LMBR1: variants seen among roughly 807,000 people sequenced by gnomAD.
The protein encoded by LMBR1 is limb development membrane protein 1.
A neutral mutation model predicts 73.9 loss-of-function variants in LMBR1; 52 were observed. The observed-to-expected ratio is 0.70, with a 90% CI of 0.56 to 0.89. The LOEUF (loss-of-function observed/expected upper bound fraction) is 0.89, where lower values mean the gene tolerates loss of function less well. LMBR1 is among the 40% of genes least tolerant of loss of function. The probability of loss-of-function intolerance (pLI) is 0.00; values close to 1 mark genes in which losing one functional copy is unlikely to be tolerated. For missense variants in LMBR1, 539 were observed against 579.8 expected, an observed-to-expected ratio of 0.93 and a Z score of 0.72; for synonymous variants, 215 against 209.4, an observed-to-expected ratio of 1.03 and a Z score of -0.23.
intron 4 of LMBR1, chr7:156,822,412 T>A (rs999215432): frequency 6.6e-6 from 1 of 152,168 alleles, no homozygotes; most frequent in East Asian, 1.9e-4. Flanking sequence ...TTCAGACAGA[T>A]TTGAAATTCA....
At chr7:156,724,793 TG>T (rs1217479514) in intron 14 of LMBR1, among the ~76,000 whole-genome samples, 26 of 151,862 alleles carry the variant, frequency 1.7e-4, no homozygotes, top group Non-Finnish European at 4.4e-5. Context: ...TGTGTGTGTG[TG>T]TGTGTGTGTG....
chr7:156,869,565 A>C (rs1278816435), intron 1 of LMBR1, among the ~76,000 whole-genome samples: 3 of 152,204 alleles, frequency 2.0e-5, no homozygotes, highest in Non-Finnish European at 4.4e-5. Context: ...AAATCAGCAA[A>C]ACCCAAAGGT....
intron 3 of LMBR1, among the ~76,000 whole-genome samples, chr7:156,832,228 C>T (rs1327172402): frequency 6.6e-6 from 1 of 152,148 alleles, no homozygotes; most frequent in East Asian, 1.9e-4. Context: ...TAGTAAATCA[C>T]AATCCATTTA....
chr7:156,795,817 T>C (rs1418094775), intron 5 of LMBR1, among the ~76,000 whole-genome samples: 10 of 152,166 alleles, frequency 6.6e-5, no homozygotes, highest in Non-Finnish European at 1.3e-4. Context: ...CCTCCCAAAG[T>C]GGTGGATTAC....
At chr7:156,863,787 T>C (rs1798056574) in intron 1 of LMBR1, among the ~76,000 whole-genome samples, 1 of 152,190 alleles carries the variant, frequency 6.6e-6, no homozygotes, top group Non-Finnish European at 1.5e-5. Flanking sequence ...CAGTAGGCTA[T>C]ATAGAGGATT....
At chr7:156,752,413 A>C (rs929569834) in intron 9 of LMBR1, among the ~76,000 whole-genome samples, 3 of 152,158 alleles carry the variant, frequency 2.0e-5, no homozygotes, top group Non-Finnish European at 4.4e-5. Flanking sequence ...TTGGGGAAAA[A>C]CTGGATCATG....
chr7:156,709,998 G>A lies in LMBR1; in HGVS notation c.1225+14114C>T, dbSNP rs534490007. On this transcript the variant is annotated intron_variant, in intron 15 of 16. Transcript: ENST00000353442. The stretch of plus-strand genomic sequence containing the variant: ...TGGCTCACTGCAAGCTCCACCTCCC[G>A]GGTTCACGCCATTCTCCTGCCTCAA... Among the ~76,000 whole-genome samples the A allele has an allele frequency of 1.8e-4, 25 of 138,486 alleles. No homozygotes were observed. In the South Asian group the frequency reaches 4.8e-3, roughly 27 times the overall value. 90.9% of individuals were successfully genotyped at this position (138,486 alleles called of 152,430 possible).
rs181681548 is a variant in LMBR1 at position 156,840,958 on chromosome 7, C to T, written c.67-4073G>A. 5.2e-5 allele frequency among the ~76,000 whole-genome samples: 6 copies of T among 116,408 alleles called. No individual in the cohort carries two copies. The East Asian group carries it at 9.7e-4, about 19-fold the overall frequency. The allele number at this position is 116,408 out of a possible 152,430, so 76.4% of individuals were successfully genotyped here. On this transcript the variant is annotated intron_variant, in intron 1 of 16. Coordinates refer to ENST00000353442, the MANE Select transcript of LMBR1 (RefSeq NM_022458.4). ...CCAGCCTGGGCGACTGAGCAAGACTCGGTCTCAAAAAAAAAAAAAAAAAAA... is the reference window on the plus strand; with the variant it reads ...CCAGCCTGGGCGACTGAGCAAGACTTGGTCTCAAAAAAAAAAAAAAAAAAA...
intron 4 of LMBR1, among the ~76,000 whole-genome samples, chr7:156,805,643 A>T (rs1378693263): frequency 6.6e-6 from 1 of 152,226 alleles, no homozygotes; most frequent in Non-Finnish European, 1.5e-5. Flanking sequence ...TCCGAATTTT[A>T]GATCAGCTTG....
At chr7:156,873,225 C>A (rs1799597150) in intron 1 of LMBR1, among the ~76,000 whole-genome samples, 1 of 151,846 alleles carries the variant, frequency 6.6e-6, no homozygotes. Flanking sequence ...CGTGGTCTCG[C>A]TGGCTCAGGA....
intron 15 of LMBR1, among the ~76,000 whole-genome samples, chr7:156,723,654 CAG>C (rs1815090272): frequency 6.6e-6 from 1 of 152,216 alleles, no homozygotes; most frequent in African/African-American, 2.4e-5. Context: ...TCCTTTGAAT[CAG>C]AGTGTGTTCT....
chr7:156,765,610 CTT>C (rs567122305), intron 5 of LMBR1, among the ~76,000 whole-genome samples: 20 of 152,298 alleles, frequency 1.3e-4, no homozygotes, highest in Non-Finnish European at 2.1e-4. Context: ...TCCTCCCCTC[CTT>C]TTCTCTCTTT....
At position 156,724,175 on chromosome 7, in the gene LMBR1, T is replaced by C. The variant is rs1815212622; in HGVS notation, c.1162A>G (p.Ile388Val). ...ACCAAGATGGACACACAATTTCCAA[T>C]GATCTGTTATGAGAAACGAGAAAGA... ...KKDDTTMTKI[I>V]GNCVSILVLS... is the part of the protein sequence containing the mutation. Residue 388 changes from isoleucine (I) to valine (V), a missense_variant, in exon 15 of 17, where the codon ATT (isoleucine) becomes GTT (valine). Ile to Val is a conservative substitution (Grantham distance 29). This residue lies in a region of LMBR1 where 454 missense variants were observed against 473.4 expected (regional missense o/e 0.96). Coordinates refer to ENST00000353442, the MANE Select transcript of LMBR1 (RefSeq NM_022458.4). 1 of 1,610,248 alleles carries C rather than the reference T, an allele frequency of 6.2e-7. No homozygotes were observed. The highest frequency in any genetic ancestry group is 2.2e-5 in the East Asian group (1 of 44,706).
intron 1 of LMBR1, among the ~76,000 whole-genome samples, chr7:156,860,136 T>C (rs1586285674): frequency 6.6e-6 from 1 of 152,110 alleles, no homozygotes; most frequent in African/African-American, 2.4e-5. Flanking sequence ...TCAAAATAGA[T>C]TGTATTAGTC....
intron 15 of LMBR1, among the ~76,000 whole-genome samples, chr7:156,711,962 C>T (rs1037265414): frequency 8.8e-4 from 134 of 152,208 alleles, no homozygotes; most frequent in African/African-American, 3.1e-3. Context: ...TGACTTAAGA[C>T]CTCGAAAGCA....
At chr7:156,825,314 A>G (rs1261541557) in intron 4 of LMBR1, among the ~76,000 whole-genome samples, 1 of 152,242 alleles carries the variant, frequency 6.6e-6, no homozygotes, top group African/African-American at 2.4e-5. Flanking sequence ...CATTAACAAA[A>G]TAATAATTAG....
rs1270617095 is a variant in LMBR1 at position 156,670,672 on chromosome 7, G to A, written n.867-1385C>T. Among the ~76,000 whole-genome samples the A allele has an allele frequency of 6.6e-6, 1 of 152,174 alleles. No homozygotes were observed. The highest frequency in any genetic ancestry group is 2.4e-5 in the African/African-American group (1 of 41,430). ...CCTGGGACCTGCAGATTTCCCAGTGGGAGCGGCAGAAGGTGAGATGGCATC... is the reference window on the plus strand; with the variant it reads ...CCTGGGACCTGCAGATTTCCCAGTGAGAGCGGCAGAAGGTGAGATGGCATC... On this transcript the variant is annotated intron_variant and non_coding_transcript_variant, in intron 4 of 4. Transcript: ENST00000430825. The surrounding 1 kb of genome is among the most constrained non-coding windows in gnomAD (Gnocchi z 4.3).
At chr7:156,757,226 C>T (rs1822065684) in intron 8 of LMBR1, among the ~76,000 whole-genome samples, 1 of 152,196 alleles carries the variant, frequency 6.6e-6, no homozygotes, top group African/African-American at 2.4e-5. Flanking sequence ...ACACCCAGTC[C>T]AACATTTGTT....
At chr7:156,729,569 G>A (rs1460894864) in intron 10 of LMBR1, among the ~76,000 whole-genome samples, 1 of 151,374 alleles carries the variant, frequency 6.6e-6, no homozygotes. Flanking sequence ...TGCCTGCCGG[G>A]TTCAAGTGAT....
Sources: gnomAD v4.1 joint callset for allele counts (sites outside exome capture counted in the v4.1 genomes callset) on GRCh38, gnomAD v4.1.1 for gene constraint, gnomAD v4.1.1 regional missense constraint, Gnocchi (gnomAD v3.1) non-coding constraint, MANE v1.5 for transcripts, NCBI Gene and HGNC (gene_info 2026-07-23, HGNC 2026-07-21) for gene names.